The following ATXN1 variants were observed in gnomAD, a reference collection of about 807,000 sequenced individuals.
The protein encoded by ATXN1 is ataxin-1.
A neutral mutation model predicts 56.4 loss-of-function variants in ATXN1; 8 were observed. The observed-to-expected ratio is 0.14, with a 90% CI of 0.08 to 0.26. The LOEUF is 0.26. Among genes scored for constraint, ATXN1 ranks in the 10% least tolerant of loss-of-function variants. ATXN1 has a pLI of 1.00. For synonymous variants in ATXN1, 514 were observed against 494.6 expected (o/e 1.04, Z -0.52); for missense variants, 987 against 1,106.5 (o/e 0.89, Z 1.53).
intron 2 of ATXN1, among the ~76,000 whole-genome samples, chr6:16,735,204 G>T (rs1269619941): frequency 1.3e-5 from 2 of 152,120 alleles, no homozygotes; most frequent in African/African-American, 4.8e-5. Flanking sequence ...TCTGTAAGGT[G>T]GAGATAATAA....
chr6:16,361,893 C>T (rs1319879099), intron 6 of ATXN1, among the ~76,000 whole-genome samples: 2 of 152,198 alleles, frequency 1.3e-5, no homozygotes, highest in East Asian at 1.9e-4. Flanking sequence ...AAATGCTTCA[C>T]CTTCTTGAGG....
intron 3 of ATXN1, among the ~76,000 whole-genome samples, chr6:16,610,270 C>A (rs1763080544): frequency 6.6e-6 from 1 of 151,478 alleles, no homozygotes; most frequent in Non-Finnish European, 1.5e-5. Flanking sequence ...ACCAACCAAC[C>A]AACCAACCAA....
chr6:16,543,804 T>C (rs1024228898), intron 4 of ATXN1, among the ~76,000 whole-genome samples: 18 of 152,180 alleles, frequency 1.2e-4, no homozygotes, highest in Non-Finnish European at 5.9e-5. Flanking sequence ...TAGAAGCCAA[T>C]GACTTCCCAT....
At position 16,380,394 on chromosome 6, in the gene ATXN1, C is replaced by T. The variant is rs956166401; in HGVS notation, c.-160-51924G>A. Among the ~76,000 whole-genome samples the T allele has an allele frequency of 5.3e-5, 8 of 152,072 alleles. No individual in the cohort carries two copies. In the East Asian group the frequency reaches 1.5e-3, roughly 29 times the overall value. On this transcript the variant is annotated intron_variant, in intron 6 of 7. Transcript: ENST00000436367. ...CTTCAGAAGCTTGGCTATTTATTAT[C>T]TAATATTCTTGTGAGTTCCTGTGTC... is the stretch of plus-strand genomic sequence containing the variant.
At chr6:16,749,296 A>G (rs970754316) in intron 2 of ATXN1, among the ~76,000 whole-genome samples, 12 of 152,240 alleles carry the variant, frequency 7.9e-5, no homozygotes, top group Non-Finnish European at 1.6e-4. Flanking sequence ...GAATAAATCA[A>G]CGGTAGAAAA....
intron 6 of ATXN1, among the ~76,000 whole-genome samples, chr6:16,393,954 A>G (rs1166924480): frequency 7.0e-6 from 1 of 143,632 alleles, no homozygotes; most frequent in Non-Finnish European, 1.5e-5. Context: ...GTTTTAACCT[A>G]TGCTTGGTCC....
chr6:16,407,794 G>T (rs930376300), intron 6 of ATXN1, among the ~76,000 whole-genome samples: 2 of 152,178 alleles, frequency 1.3e-5, no homozygotes, highest in Admixed American at 1.3e-4. Flanking sequence ...CTCTGGATAC[G>T]TCTGGGTGGC....
rs538111391 is a variant in ATXN1 at position 16,743,417 on chromosome 6, C to A, written c.-615+9816G>T. The stretch of plus-strand genomic sequence containing the variant: ...ACAGGTGCCATAGCTTTTTCCACCA[C>A]TGTGGTTCACAGGACCCCATGCTGG... On this transcript the variant is annotated intron_variant, in intron 2 of 7. Transcript: ENST00000436367. Among the ~76,000 whole-genome samples the A allele has an allele frequency of 1.6e-4, 24 of 152,352 alleles. 1 individual carries two copies. The highest frequency in any genetic ancestry group is 5.8e-4 in the African/African-American group (24 of 41,576).
chr6:16,493,752 A>G (rs1760715782), intron 5 of ATXN1, among the ~76,000 whole-genome samples: 1 of 152,194 alleles, frequency 6.6e-6, no homozygotes, highest in Non-Finnish European at 1.5e-5. Flanking sequence ...TCCTCCATGG[A>G]AGAGGACAGG....
At position 16,300,377 on chromosome 6, in the gene ATXN1, A is replaced by C. The variant is rs1420701870; in HGVS notation, c.*5952T>G. ...CCGGTGTTCCCTCCCGCCATTACAC[A>C]GGAGAAAGTTAGCTACCAGAACAGT... On this transcript the variant is annotated 3_prime_UTR_variant, in exon 8 of 8. Coordinates refer to ENST00000436367, the MANE Select transcript of ATXN1 (RefSeq NM_001128164.2). 1 of 152,650 alleles carries C rather than the reference A, an allele frequency of 6.6e-6. No individual in the cohort carries two copies. The highest frequency in any genetic ancestry group is 1.5e-5 in the Non-Finnish European group (1 of 68,038). The allele number at this position is 152,650 out of a possible 1,614,324, so 9.5% of individuals were successfully genotyped here. A position where few individuals can be genotyped will look rare whatever the true frequency, so the allele number is the denominator to read the frequency against.
At chr6:16,751,054 T>C (rs1489622522) in intron 2 of ATXN1, among the ~76,000 whole-genome samples, 2 of 150,896 alleles carry the variant, frequency 1.3e-5, no homozygotes, top group African/African-American at 4.9e-5. Context: ...CTGCAACCTC[T>C]GCCTCCAGGA....
chr6:16,596,612 G>C (rs1440916100), intron 3 of ATXN1, among the ~76,000 whole-genome samples: 1 of 152,180 alleles, frequency 6.6e-6, no homozygotes, highest in Non-Finnish European at 1.5e-5. Flanking sequence ...CCTTTCAGGA[G>C]AAATACTGTA....
In ATXN1 at chr6:16,326,544, C is replaced by T. The variant is rs750207261; in HGVS notation, c.1767G>A (p.Lys589=). 46 of 1,614,040 alleles carry T rather than the reference C, an allele frequency of 2.8e-5. 2 individuals are homozygous for T. In the South Asian group the frequency reaches 4.7e-4, roughly 17 times the overall value. ...IIQLANGELK[K]VEDLKTEDFI... is the part of the protein sequence containing the mutation. ...AATCTTCTGTTTTTAAGTCTTCCAC[C>T]TTCTTTAGCTCCCCGTTGGCCAACT... Residue 589 remains lysine (K), a synonymous_variant, in exon 7 of 8, where the codon AAG becomes AAA. Transcript: ENST00000436367. The surrounding 1 kb of genome is among the most constrained non-coding windows in gnomAD (Gnocchi z 6.6).
chr6:16,543,008 G>C (rs893034123), intron 4 of ATXN1, among the ~76,000 whole-genome samples: 1 of 152,098 alleles, frequency 6.6e-6, no homozygotes, highest in South Asian at 2.1e-4. Context: ...ACCGAAGATG[G>C]GGGGTGGGGG....
In ATXN1 at chr6:16,328,558, G is replaced by T; in HGVS notation, c.-160-88C>A. On this transcript the variant is annotated intron_variant, in intron 6 of 7. Coordinates refer to ENST00000436367, the MANE Select transcript of ATXN1 (RefSeq NM_001128164.2). The surrounding 1 kb of genome is among the most constrained non-coding windows in gnomAD (Gnocchi z 6.2). ...AAAGGACATCAGAACATGAGCACCG[G>T]GGAAAGAACATCTTTGGCAAGATTA... is the stretch of plus-strand genomic sequence containing the variant. The T allele has an allele frequency of 1.9e-6, 1 of 531,396 alleles. No homozygotes were observed. The highest frequency in any genetic ancestry group is 2.9e-6 in the Non-Finnish European group (1 of 348,778). 32.9% of individuals were successfully genotyped at this position (531,396 alleles called of 1,614,324 possible).
At chr6:16,722,474 T>C (rs867351344) in intron 2 of ATXN1, among the ~76,000 whole-genome samples, 1 of 152,178 alleles carries the variant, frequency 6.6e-6, no homozygotes, top group Non-Finnish European at 1.5e-5. Context: ...TCACTAATAA[T>C]AGTCTAATTA....
chr6:16,480,706 G>A (rs1760421327), intron 6 of ATXN1, among the ~76,000 whole-genome samples: 1 of 152,168 alleles, frequency 6.6e-6, no homozygotes, highest in African/African-American at 2.4e-5. Flanking sequence ...AAAGCAGCCT[G>A]ACCAGGCTGT....
intron 2 of ATXN1, among the ~76,000 whole-genome samples, chr6:16,714,110 A>G (rs985964821): frequency 6.6e-6 from 1 of 151,724 alleles, no homozygotes; most frequent in Non-Finnish European, 1.5e-5. Context: ...AGCCAAGATC[A>G]CACCACTCCA....
At chr6:16,478,661 G>A (rs1312976554) in intron 6 of ATXN1, among the ~76,000 whole-genome samples, 3 of 152,158 alleles carry the variant, frequency 2.0e-5, no homozygotes, top group Non-Finnish European at 4.4e-5. Context: ...GTAGCAACTC[G>A]TAGGAGCCCC....
Sources: gnomAD v4.1 joint callset for allele counts (sites outside exome capture counted in the v4.1 genomes callset) on GRCh38, gnomAD v4.1.1 for gene constraint, Gnocchi (gnomAD v3.1) non-coding constraint, MANE v1.5 for transcripts, NCBI Gene and HGNC (gene_info 2026-07-23, HGNC 2026-07-21) for gene names.